Variants in UTRN observed in about 807,000 individuals in gnomAD.
UTRN encodes utrophin, also known as dystrophin-related protein 1.
Under a neutral mutation model 463.9 loss-of-function variants are expected in UTRN, and 283 were observed. The ratio of observed to expected loss-of-function variants is 0.61; its 90% CI spans 0.55 to 0.67. The LOEUF (loss-of-function observed/expected upper bound fraction) is 0.67. UTRN is among the 30% of genes least tolerant of loss of function. UTRN has a pLI of 0.00. For synonymous variants in UTRN, 1,442 were observed against 1,431.5 expected, an observed-to-expected ratio of 1.01 and a Z score of -0.17; for missense variants, 3,922 against 4,084.3, an observed-to-expected ratio of 0.96 and a Z score of 1.08.
At chr6:144,442,303 T>C (rs1375944583) in intron 13 of UTRN, among the ~76,000 whole-genome samples, 1 of 152,188 alleles carries the variant, frequency 6.6e-6, no homozygotes, top group Non-Finnish European at 1.5e-5. Flanking sequence ...TAGAAATTTC[T>C]TCCACAGGTA....
Position 144,447,638 on chromosome 6 carries a change from T to C in UTRN, c.1759T>C (p.Leu587=). 1.2e-6 allele frequency: 2 copies of C among 1,613,698 alleles called. No individual in the cohort carries two copies. The highest frequency in any genetic ancestry group is 1.7e-6 in the Non-Finnish European group (2 of 1,179,878). Residue 587 remains leucine (L), a synonymous_variant, in exon 16 of 75, where the codon TTG becomes CTG. Coordinates refer to ENST00000367545, the MANE Select transcript of UTRN (RefSeq NM_007124.3). The part of the protein sequence containing the change: ...KEDMEMKRQT[L]DQLSEIGQDV... ...AGACATGGAAATGAAGCGTCAAACA[T>C]TGGATCAGCTGAGTGAGATTGGCCA...
At chr6:144,824,361 A>G (rs1189222579) in intron 66 of UTRN, among the ~76,000 whole-genome samples, 2 of 150,184 alleles carry the variant, frequency 1.3e-5, no homozygotes, top group Non-Finnish European at 3.0e-5. Context: ...AGGCACTAAA[A>G]GGGTCATTAA....
intron 2 of UTRN, among the ~76,000 whole-genome samples, chr6:144,361,198 G>A (rs1485229598): frequency 1.3e-5 from 2 of 152,172 alleles, no homozygotes; most frequent in African/African-American, 4.8e-5. Context: ...CCTGACTAAT[G>A]TGACTTTCCA....
At chr6:144,513,156 A>G (rs1257658535) in intron 35 of UTRN, among the ~76,000 whole-genome samples, 2 of 152,208 alleles carry the variant, frequency 1.3e-5, no homozygotes, top group African/African-American at 4.8e-5. Flanking sequence ...GGCTGGTGAT[A>G]CTGAGGTAAG....
At chr6:144,693,842 A>T (rs889706892) in intron 52 of UTRN, among the ~76,000 whole-genome samples, 1 of 152,106 alleles carries the variant, frequency 6.6e-6, no homozygotes, top group Non-Finnish European at 1.5e-5. Flanking sequence ...CTGCAAACAG[A>T]TATAGTTTGA....
At chr6:144,657,937 C>T (rs763756852) in intron 51 of UTRN, among the ~76,000 whole-genome samples, 5 of 151,788 alleles carry the variant, frequency 3.3e-5, no homozygotes, top group Non-Finnish European at 7.4e-5. Context: ...TTTCTTTTGT[C>T]TTGTATTTAT....
At chr6:144,520,786 T>C (rs1274925284) in intron 39 of UTRN, among the ~76,000 whole-genome samples, 1 of 152,250 alleles carries the variant, frequency 6.6e-6, no homozygotes, top group Non-Finnish European at 1.5e-5. Context: ...ATCTTGAATT[T>C]ACAGATGATT....
chr6:144,437,647 C>A lies in UTRN; in HGVS notation c.1142C>A (p.Thr381Asn), dbSNP rs769150569. The A allele has an allele frequency of 3.7e-6, 6 of 1,613,974 alleles. No individual in the cohort carries two copies. The South Asian group carries it at 4.4e-5, about 12-fold the overall frequency. The stretch of plus-strand genomic sequence containing the variant: ...GGCAACCAACTGATAACACAAGGAA[C>A]TCTGTCAGACGAAGAAGAATTTGAG... ...QAGNQLITQG[T>N]LSDEEEFEIQ... Residue 381 changes from threonine to asparagine, a missense_variant, in exon 11 of 75, where the codon ACT (threonine) becomes AAT (asparagine). By Grantham distance (65) the Thr-to-Asn change is moderately conservative (BLOSUM62 0). Around this residue, in one of 3 missense-constraint regions of UTRN, gnomAD observed 2,349 missense variants for 2,303.8 expected, o/e 1.02. Coordinates refer to ENST00000367545, the MANE Select transcript of UTRN (RefSeq NM_007124.3).
intron 13 of UTRN, 89 bp from the exon 14 acceptor site, chr6:144,444,189 TAAA>T (rs2114910306): frequency 2.9e-6 from 3 of 1,044,070 alleles, no homozygotes; most frequent in Non-Finnish European, 4.1e-6. Flanking sequence ...TATTCTATAA[TAAA>T]GAACAATGGA....
At chr6:144,415,544 A>T (rs558605790) in intron 3 of UTRN, among the ~76,000 whole-genome samples, 10 of 152,298 alleles carry the variant, frequency 6.6e-5, no homozygotes, top group African/African-American at 2.4e-4. Context: ...TTGCTGAAAA[A>T]CATGATCTGT....
chr6:144,438,996 A>C (rs932672042), intron 12 of UTRN, 101 bp downstream of exon 12: 1 of 1,282,970 alleles, frequency 7.8e-7, no homozygotes, highest in Non-Finnish European at 1.1e-6. Context: ...TGAAGTTGGG[A>C]CACTTCTTCA....
At chr6:144,608,627 C>T (rs1253874807) in intron 51 of UTRN, among the ~76,000 whole-genome samples, 1 of 152,124 alleles carries the variant, frequency 6.6e-6, no homozygotes, top group Non-Finnish European at 1.5e-5. Context: ...ATGGTTTCTA[C>T]AGGGGGAAAA....
chr6:144,442,185 C>G (rs888919097), intron 13 of UTRN, among the ~76,000 whole-genome samples: 1 of 152,182 alleles, frequency 6.6e-6, no homozygotes, highest in Admixed American at 6.5e-5. Flanking sequence ...ATTTTCTTTT[C>G]TATTGCATTG....
At chr6:144,599,324 ATCTT>A (rs529703056) in intron 51 of UTRN, among the ~76,000 whole-genome samples, 104 of 152,330 alleles carry the variant, frequency 6.8e-4, no homozygotes, top group African/African-American at 2.4e-3. Flanking sequence ...TATTGAAAAA[ATCTT>A]TAAGAGGTTA....
chr6:144,445,681 A>G (rs954150201), intron 14 of UTRN, among the ~76,000 whole-genome samples: 4 of 152,074 alleles, frequency 2.6e-5, no homozygotes, highest in African/African-American at 9.7e-5. Flanking sequence ...CTTTATAAAT[A>G]TTTATGTTTA....
chr6:144,756,139 G>C (rs954966712), intron 57 of UTRN, among the ~76,000 whole-genome samples: 1 of 152,056 alleles, frequency 6.6e-6, no homozygotes, highest in Non-Finnish European at 1.5e-5. Context: ...AAGTAAATAG[G>C]TTTGCTGTAT....
At chr6:144,293,604 A>G (rs1216646851) in intron 2 of UTRN, among the ~76,000 whole-genome samples, 1 of 152,156 alleles carries the variant, frequency 6.6e-6, no homozygotes, top group Non-Finnish European at 1.5e-5. Flanking sequence ...ATCATTTATA[A>G]TAGAAAACAT....
chr6:144,771,760 G>A, intron 58 of UTRN, 147 bp from the exon 59 acceptor site: 2 of 582,970 alleles, frequency 3.4e-6, no homozygotes, highest in Non-Finnish European at 5.6e-6. Flanking sequence ...TGGGCATTGG[G>A]TTTCTGAATG....
chr6:144,367,895 C>A (rs1277029045), intron 2 of UTRN, among the ~76,000 whole-genome samples: 1 of 152,156 alleles, frequency 6.6e-6, no homozygotes, highest in Admixed American at 6.5e-5. Context: ...GATTCTCATG[C>A]CTCAGCCTTC....
Sources: gnomAD v4.1 joint callset for allele counts (sites outside exome capture counted in the v4.1 genomes callset) on GRCh38, gnomAD v4.1.1 for gene constraint, gnomAD v4.1.1 regional missense constraint, MANE v1.5 for transcripts, NCBI Gene and HGNC (gene_info 2026-07-23, HGNC 2026-07-21) for gene names.